The following CCL5 variants were observed in gnomAD, a reference collection of about 807,000 sequenced individuals.
The protein encoded by CCL5 is C-C motif chemokine 5.
A neutral mutation model predicts 9.0 loss-of-function variants in CCL5; 5 were observed. The observed-to-expected ratio is 0.55, with a 90% CI of 0.29 to 1.16. The LOEUF is 1.16. Among genes scored for constraint, CCL5 ranks in the 50% most tolerant of loss-of-function variants. The pLI, the probability that CCL5 is intolerant of heterozygous loss-of-function variation, is 0.08. For missense variants in CCL5, 183 were observed against 183.2 expected, an observed-to-expected ratio of 1.00 and a Z score of 0.01; for synonymous variants, 66 against 72.0, an observed-to-expected ratio of 0.92 and a Z score of 0.42.
intron 1 of CCL5, among the ~76,000 whole-genome samples, chr17:35,879,429 T>G (rs1412286198): frequency 1.3e-5 from 2 of 152,008 alleles, no homozygotes; most frequent in East Asian, 3.9e-4. Context: ...GGTCAAGAGA[T>G]CGAGACCATC....
rs960214132 is a variant in CCL5, at chr17:35,872,214, C to T, written c.*56G>A. ...CTGGGATTACAGGCGTGAGCCACCA[C>T]GTCCAGCCTGGGGAAGGTTTTTGTA... On this transcript the variant is annotated 3_prime_UTR_variant, in exon 4 of 4. Transcript: ENST00000651122. 9 of 1,315,494 alleles carry T rather than the reference C, an allele frequency of 6.8e-6. 1 individual carries two copies. Among genetic ancestry groups the T allele is most frequent in the South Asian group, 4.8e-5 (3 of 62,384 alleles). The allele number at this position is 1,315,494 out of a possible 1,614,324, so 81.5% of individuals were successfully genotyped here. A position where few individuals can be genotyped will look rare whatever the true frequency, so the allele number is the denominator to read the frequency against.
At chr17:35,872,613 C>CTTTTAGGAAGCCACAAA (rs1568345481) in intron 3 of CCL5, 149 bp from the exon 3 acceptor site, 1 of 661,994 alleles carries the variant, frequency 1.5e-6, no homozygotes, top group Non-Finnish European at 2.7e-6. Context: ...TTATTTGTGG[C>CTTTTAGGAAGCCACAAA]TTTTAAGGAG....
intron 3 of CCL5, among the ~76,000 whole-genome samples, chr17:35,875,293 G>A (rs9889874): frequency 2.6e-5 from 4 of 151,860 alleles, no homozygotes; most frequent in African/African-American, 9.7e-5. Flanking sequence ...ATTTACCATC[G>A]TAACCATTTT....
rs1435860436 is a variant in CCL5 at position 35,875,593 on chromosome 17, A to G, written c.238T>C (p.Phe80Leu). 2.7e-5 allele frequency: 27 copies of G among 985,256 alleles called. No individual in the cohort carries two copies. Among genetic ancestry groups the G allele is most frequent in the Non-Finnish European group, 3.1e-5 (26 of 829,918 alleles). The allele number at this position is 985,256 out of a possible 1,614,324, so 61.0% of individuals were successfully genotyped here. A position where few individuals can be genotyped will look rare whatever the true frequency, so the allele number is the denominator to read the frequency against. The change falls in exon 3 of 4, where the codon TTC becomes CTC. Residue 80 changes from phenylalanine to leucine, a missense_variant. Phe to Leu is a conservative substitution (Grantham distance 22). Transcript: ENST00000651122. ...TTGTTCAGCCGGGAGTCATACAGGAAATCCTGCCAGACTTGCTGTCCCTCT... is the reference window on the plus strand; with the variant it reads ...TTGTTCAGCCGGGAGTCATACAGGAGATCCTGCCAGACTTGCTGTCCCTCT...
At chr17:35,872,552 G>A in intron 3 of CCL5, 88 bp from the exon 3 acceptor site, 1 of 1,081,166 alleles carries the variant, frequency 9.2e-7, no homozygotes, top group South Asian at 1.3e-5. Context: ...AAGGTATAAA[G>A]GGAAATTATG....
At chr17:35,879,262 A>G (rs1412666287) in intron 1 of CCL5, among the ~76,000 whole-genome samples, 2 of 152,134 alleles carry the variant, frequency 1.3e-5, no homozygotes, top group Non-Finnish European at 2.9e-5. Flanking sequence ...CTCCATGGAC[A>G]AGTTACTTAA....
chr17:35,878,778 T>G, intron 1 of CCL5, 139 bp from the exon 2 acceptor site: 1 of 614,372 alleles, frequency 1.6e-6, no homozygotes, highest in Non-Finnish European at 2.9e-6. Flanking sequence ...AGAGGTAAAG[T>G]CACTTGGCCA....
In CCL5 at chr17:35,873,224, G is replaced by A. The variant is rs1163694305; in HGVS notation, c.271-760C>T. ...TTTTCCTTTGAGACGGAGTCTCACTGTCACCCAGGCTGGAGTGCAGTGGCA... is the reference window on the plus strand; with the variant it reads ...TTTTCCTTTGAGACGGAGTCTCACTATCACCCAGGCTGGAGTGCAGTGGCA... On this transcript the variant is annotated intron_variant, in intron 3 of 3. Coordinates refer to ENST00000651122, the MANE Select transcript of CCL5 (RefSeq NM_001278736.2). Among the ~76,000 whole-genome samples, 9 of 137,444 alleles carry A rather than the reference G, an allele frequency of 6.5e-5. No homozygotes were observed. The East Asian group carries it at 1.1e-3, about 17-fold the overall frequency. 90.2% of individuals were successfully genotyped at this position (137,444 alleles called of 152,430 possible). A position where few individuals can be genotyped will look rare whatever the true frequency, so the allele number is the denominator to read the frequency against.
chr17:35,880,091 G>T, intron 1 of CCL5, 139 bp downstream of exon 1: 1 of 710,412 alleles, frequency 1.4e-6, no homozygotes, highest in South Asian at 1.6e-5. Flanking sequence ...CAATTCATAA[G>T]AATGTAAATA....
At chr17:35,879,330 A>C (rs2088483068) in intron 1 of CCL5, among the ~76,000 whole-genome samples, 1 of 152,140 alleles carries the variant, frequency 6.6e-6, no homozygotes, top group African/African-American at 2.4e-5. Context: ...GGTTGTGGGT[A>C]TTAAATAAGA....
chr17:35,876,673 T>TC (rs1174402631), intron 2 of CCL5, among the ~76,000 whole-genome samples: 5 of 152,244 alleles, frequency 3.3e-5, no homozygotes, highest in Admixed American at 6.5e-5. Flanking sequence ...TCCTGTTTTC[T>TC]CAGCTTTCCC....
intron 2 of CCL5, among the ~76,000 whole-genome samples, chr17:35,877,491 T>C (rs539023549): frequency 6.6e-6 from 1 of 152,358 alleles, no homozygotes; most frequent in African/African-American, 2.4e-5. Flanking sequence ...CACTAATGAC[T>C]TTGCTATAGT....
chr17:35,880,327 G>C lies in CCL5; in HGVS notation c.-22C>G. ...TCATGGTACCTGTGGGAGAGGCTGT[G>C]CGAGGTCCACGTGCTGTCTTGATCC... On this transcript the variant is annotated 5_prime_UTR_variant, in exon 1 of 4. Coordinates refer to ENST00000651122, the MANE Select transcript of CCL5 (RefSeq NM_001278736.2). The C allele has an allele frequency of 6.3e-7, 1 of 1,598,260 alleles. No homozygotes were observed. The highest frequency in any genetic ancestry group is 8.5e-7 in the Non-Finnish European group (1 of 1,169,946).
chr17:35,873,728 G>A (rs1479536786), intron 3 of CCL5, among the ~76,000 whole-genome samples: 1 of 152,214 alleles, frequency 6.6e-6, no homozygotes, highest in Non-Finnish European at 1.5e-5. Context: ...AAGCTCAAAG[G>A]ATAATATGTA....
At chr17:35,877,297 C>T (rs1052758138) in intron 2 of CCL5, among the ~76,000 whole-genome samples, 5 of 152,114 alleles carry the variant, frequency 3.3e-5, no homozygotes, top group Admixed American at 3.3e-4. Context: ...ATTGCTTGAA[C>T]CCGGGAGGCA....
chr17:35,872,290 G>C lies in CCL5; in HGVS notation c.445C>G (p.Pro149Ala). The C allele has an allele frequency of 6.3e-7, 1 of 1,592,850 alleles. No homozygotes were observed. Among genetic ancestry groups the C allele is most frequent in the Non-Finnish European group, 8.6e-7 (1 of 1,166,212 alleles). ...GCCCTTCAAGGAGCGGGTGGGGTAGGATAGTGAGGGGAAGCCTCCCAAGCT... is the reference window on the plus strand; with the variant it reads ...GCCCTTCAAGGAGCGGGTGGGGTAGCATAGTGAGGGGAAGCCTCCCAAGCT... The change falls in exon 4 of 4, where the codon CCT becomes GCT. Residue 149 changes from proline (P) to alanine (A), a missense_variant. By Grantham distance (27) the Pro-to-Ala change is conservative. Coordinates refer to ENST00000651122, the MANE Select transcript of CCL5 (RefSeq NM_001278736.2).
intron 3 of CCL5, 70 bp from the exon 3 acceptor site, chr17:35,872,534 A>G: frequency 7.7e-7 from 1 of 1,294,856 alleles, no homozygotes; most frequent in South Asian, 1.2e-5. Flanking sequence ...TGGGGGATGA[A>G]GTGGATTAAG....
At chr17:35,877,496 T>G (rs555784957) in intron 2 of CCL5, among the ~76,000 whole-genome samples, 68 of 152,378 alleles carry the variant, frequency 4.5e-4, no homozygotes, top group African/African-American at 1.6e-3. Flanking sequence ...ATGACTTTGC[T>G]ATAGTAGAAA....
intron 3 of CCL5, among the ~76,000 whole-genome samples, chr17:35,872,852 C>T (rs537296984): frequency 6.6e-6 from 1 of 152,124 alleles, no homozygotes; most frequent in Admixed American, 6.5e-5. Flanking sequence ...CCCTCAAGAA[C>T]TGAGTCATGA....
Sources: gnomAD v4.1 joint callset for allele counts (sites outside exome capture counted in the v4.1 genomes callset) on GRCh38, gnomAD v4.1.1 for gene constraint, MANE v1.5 for transcripts, NCBI Gene and HGNC (gene_info 2026-07-23, HGNC 2026-07-21) for gene names.